Variants in MLIP observed in about 807,000 individuals in gnomAD.
MLIP encodes the protein muscular LMNA-interacting protein.
In MLIP, 79 loss-of-function variants were observed where a neutral mutation model predicts 84.8. The observed-to-expected ratio is 0.93, with a 90% CI of 0.78 to 1.12. MLIP has a LOEUF of 1.12. Ranked by LOEUF, MLIP falls within the 50% of genes most tolerant of loss-of-function variation. The pLI, the probability that MLIP is intolerant of heterozygous loss-of-function variation, is 0.00. For missense variants in MLIP, 1,257 were observed against 1,160.6 expected (o/e 1.08, Z -1.21); for synonymous variants, 504 against 463.0 (o/e 1.09, Z -1.14).
intron 1 of MLIP, among the ~76,000 whole-genome samples, chr6:54,068,472 C>A (rs564394721): frequency 2.0e-5 from 2 of 99,280 alleles, no homozygotes; most frequent in East Asian, 5.5e-4. Flanking sequence ...GTGGTTGCCA[C>A]GTGGCTGACA....
upstream of MLIP, among the ~76,000 whole-genome samples, chr6:54,107,732 A>C (rs1233679664): frequency 6.6e-6 from 1 of 152,212 alleles, no homozygotes; most frequent in African/African-American, 2.4e-5. Context: ...TAATGAGACT[A>C]TAAGCCATGC....
At chr6:54,023,122 G>C (rs1763593660) in intron 1 of MLIP, among the ~76,000 whole-genome samples, 1 of 151,190 alleles carries the variant, frequency 6.6e-6, no homozygotes. Flanking sequence ...AGCTGAGATT[G>C]CGCCACTGCA....
At chr6:54,226,049 G>A (rs1300824444) in intron 11 of MLIP, among the ~76,000 whole-genome samples, 2 of 152,162 alleles carry the variant, frequency 1.3e-5, no homozygotes, top group Non-Finnish European at 2.9e-5. Flanking sequence ...GTTCTCAGAA[G>A]GCTTAGGATT....
intron 1 of MLIP, among the ~76,000 whole-genome samples, chr6:54,098,406 A>T (rs943594397): frequency 4.3e-5 from 6 of 139,614 alleles, no homozygotes; most frequent in African/African-American, 8.1e-5. Context: ...GCCTCAAGTG[A>T]TCCTCCTGAC....
At chr6:54,085,983 T>C (rs1342081622) in intron 1 of MLIP, among the ~76,000 whole-genome samples, 1 of 152,180 alleles carries the variant, frequency 6.6e-6, no homozygotes, top group African/African-American at 2.4e-5. Context: ...AGGCCCTTTG[T>C]ATTCTCTCCC....
At chr6:54,175,715 C>G (rs977721649) in intron 9 of MLIP, among the ~76,000 whole-genome samples, 2 of 151,968 alleles carry the variant, frequency 1.3e-5, no homozygotes, top group African/African-American at 4.8e-5. Context: ...TGACTTCTTT[C>G]TTTCCAATTT....
chr6:54,202,217 A>G lies in MLIP; in HGVS notation c.2702A>G (p.Asp901Gly). ...AGTAAATACTTGGAAGATAACAGCG[A>G]CCTCTTTTCTGAACAGGTGAGCACA... is the stretch of plus-strand genomic sequence containing the variant. ...PFSKYLEDNS[D>G]LFSEQDVTVP... Residue 901 changes from aspartate (D) to glycine (G), a missense_variant, in exon 11 of 14, where the codon GAC becomes GGC. Asp to Gly is a moderately conservative substitution (Grantham distance 94). Transcript: ENST00000502396. 6.4e-7 allele frequency: 1 copy of G among 1,572,774 alleles called. No homozygotes were observed. The highest frequency in any genetic ancestry group is 8.6e-7 in the Non-Finnish European group (1 of 1,159,778).
chr6:54,155,514 G>T (rs1429559596), intron 5 of MLIP, among the ~76,000 whole-genome samples: 2 of 152,092 alleles, frequency 1.3e-5, no homozygotes, highest in African/African-American at 4.8e-5. Context: ...AAAGTTTACA[G>T]ATTCTGTTAG....
At chr6:54,030,879 T>C (rs950726636) in intron 1 of MLIP, among the ~76,000 whole-genome samples, 10 of 152,146 alleles carry the variant, frequency 6.6e-5, no homozygotes, top group Non-Finnish European at 1.2e-4. Context: ...AGTTTAATGA[T>C]GTTTATTGCA....
At chr6:54,216,600 T>C in intron 11 of MLIP, 2 of 973,902 alleles carry the variant, frequency 2.1e-6, no homozygotes, top group Non-Finnish European at 2.4e-6. Flanking sequence ...TTGTGATTAT[T>C]AAAAATCTTT....
chr6:54,037,609 G>T (rs1764518500), intron 1 of MLIP, among the ~76,000 whole-genome samples: 1 of 151,966 alleles, frequency 6.6e-6, no homozygotes. Flanking sequence ...CTAAGGGGAG[G>T]AGTAGTCTGC....
At chr6:54,171,838 C>T (rs984031233) in intron 9 of MLIP, among the ~76,000 whole-genome samples, 5 of 151,482 alleles carry the variant, frequency 3.3e-5, no homozygotes, top group African/African-American at 1.2e-4. Context: ...ATATTTCTCT[C>T]TTCTCCCATG....
intron 9 of MLIP, among the ~76,000 whole-genome samples, chr6:54,173,483 A>G (rs1306129951): frequency 6.6e-6 from 1 of 151,878 alleles, no homozygotes; most frequent in Non-Finnish European, 1.5e-5. Flanking sequence ...GCTTAAATGT[A>G]CATTAACTCA....
chr6:54,151,595 G>A (rs773768036), intron 5 of MLIP, among the ~76,000 whole-genome samples: 4 of 152,100 alleles, frequency 2.6e-5, no homozygotes, highest in Non-Finnish European at 4.4e-5. Flanking sequence ...TTCAGGGGTA[G>A]GTAAGGTTGT....
rs1433774923 is a variant in MLIP at position 54,239,367 on chromosome 6, A to AATAT, written c.2922+8462_2922+8465dup. The stretch of plus-strand genomic sequence containing the variant: ...CTGGGCCATTTAAACATATATATAT[A>AATAT]ATATATATATATATAATATATATAT... On this transcript the variant is annotated intron_variant, in intron 12 of 13. Coordinates refer to ENST00000502396, the MANE Select transcript of MLIP (RefSeq NM_001281747.2). Among the ~76,000 whole-genome samples the AATAT allele has an allele frequency of 3.4e-5, 5 of 145,290 alleles. No homozygotes were observed. In the East Asian group the frequency reaches 5.9e-4, roughly 17 times the overall value.
At chr6:54,220,174 T>G (rs975550415) in intron 11 of MLIP, among the ~76,000 whole-genome samples, 4 of 152,202 alleles carry the variant, frequency 2.6e-5, no homozygotes, top group African/African-American at 9.7e-5. Flanking sequence ...ATTTAAAATA[T>G]AGTTTTATAT....
chr6:54,037,541 A>T (rs1167162367), intron 1 of MLIP, among the ~76,000 whole-genome samples: 3 of 152,024 alleles, frequency 2.0e-5, no homozygotes, highest in African/African-American at 7.2e-5. Flanking sequence ...GTCTCCAAAC[A>T]GTAACACTGT....
intron 1 of MLIP, among the ~76,000 whole-genome samples, chr6:54,026,127 C>T (rs906839876): frequency 6.6e-6 from 1 of 152,098 alleles, no homozygotes; most frequent in African/African-American, 2.4e-5. Flanking sequence ...TGTGTCACTC[C>T]TGAATTTTTA....
intron 8 of MLIP, among the ~76,000 whole-genome samples, chr6:54,163,331 A>G (rs1774851702): frequency 6.6e-6 from 1 of 151,862 alleles, no homozygotes; most frequent in Non-Finnish European, 1.5e-5. Flanking sequence ...ATTAGATTCT[A>G]TTTACCAGGG....
Sources: allele counts gnomAD v4.1 joint callset (sites outside exome capture counted in the v4.1 genomes callset), GRCh38; gene constraint gnomAD v4.1.1; transcripts MANE v1.5; gene names NCBI Gene and HGNC (gene_info 2026-07-23, HGNC 2026-07-21).